Variants in AGPS observed in about 807,000 individuals in gnomAD.
The protein encoded by AGPS is alkyldihydroxyacetonephosphate synthase, peroxisomal.
In AGPS, 26 loss-of-function variants were observed where a neutral mutation model predicts 90.7. That is an observed-to-expected ratio of 0.29 (90% CI 0.21 to 0.40). AGPS has a LOEUF of 0.40. AGPS is among the 10% of genes least tolerant of loss of function. AGPS has a pLI of 1.00. For synonymous variants in AGPS, 294 were observed against 285.3 expected (o/e 1.03, Z -0.31); for missense variants, 540 against 816.1 (o/e 0.66, Z 4.12).
chr2:177,407,115 A>G lies in AGPS; in HGVS notation c.261-13154A>G, dbSNP rs944101552. Among the ~76,000 whole-genome samples the G allele has an allele frequency of 3.9e-5, 6 of 152,314 alleles. No individual in the cohort carries two copies. The South Asian group carries it at 1.2e-3, about 32-fold the overall frequency. On this transcript the variant is annotated intron_variant, in intron 1 of 19. Coordinates refer to ENST00000264167, the MANE Select transcript of AGPS (RefSeq NM_003659.4). ...CTGTTCCTGTGACTGGGGACAAGTT[A>G]CTGAATCTTTCTGGACCATTTTTTT...
intron 3 of AGPS, 53 bp downstream of exon 3, chr2:177,434,470 A>G: frequency 7.7e-7 from 1 of 1,303,032 alleles, no homozygotes; most frequent in Non-Finnish European, 1.1e-6. Context: ...TTAAAACCCA[A>G]ATTAATTTGA....
chr2:177,510,134 T>A (rs1688828884), intron 16 of AGPS, among the ~76,000 whole-genome samples: 1 of 152,216 alleles, frequency 6.6e-6, no homozygotes, highest in Non-Finnish European at 1.5e-5. Context: ...ACTGGGTAGC[T>A]TAAATGTTCT....
intron 19 of AGPS, among the ~76,000 whole-genome samples, chr2:177,531,833 A>G (rs2079140389): frequency 6.6e-6 from 1 of 152,096 alleles, no homozygotes; most frequent in African/African-American, 2.4e-5. Flanking sequence ...CCAGAAATAG[A>G]GCACACAAAT....
At chr2:177,420,135 A>G in intron 1 of AGPS, 134 bp from the exon 2 acceptor site, 1 of 611,386 alleles carries the variant, frequency 1.6e-6, no homozygotes, top group South Asian at 2.1e-5. Flanking sequence ...ATGTGTGCTA[A>G]TTTTATTTAA....
intron 19 of AGPS, among the ~76,000 whole-genome samples, chr2:177,532,499 G>C (rs924542483): frequency 2.0e-5 from 3 of 152,126 alleles, no homozygotes; most frequent in African/African-American, 7.2e-5. Flanking sequence ...TGAATCACTC[G>C]TACATTGCTT....
At chr2:177,507,161 G>A (rs1688741509) in intron 15 of AGPS, among the ~76,000 whole-genome samples, 1 of 152,018 alleles carries the variant, frequency 6.6e-6, no homozygotes. Flanking sequence ...CTTTAGATCA[G>A]ATCAGTAATT....
chr2:177,516,417 CTT>C (rs1435151249), intron 17 of AGPS, among the ~76,000 whole-genome samples: 3 of 152,070 alleles, frequency 2.0e-5, no homozygotes, highest in African/African-American at 7.2e-5. Flanking sequence ...AATGTAGTGA[CTT>C]TGACAACCAC....
At chr2:177,453,690 A>ATT (rs11401105) in intron 8 of AGPS, among the ~76,000 whole-genome samples, 3,218 of 90,392 alleles carry the variant, frequency 0.036, 83 homozygotes, top group African/African-American at 0.067. Flanking sequence ...ATCAGTAGTA[A>ATT]TTTTTTTTTT....
intron 6 of AGPS, 181 bp downstream of exon 6, chr2:177,441,217 G>A: frequency 1.7e-6 from 1 of 604,102 alleles, no homozygotes; most frequent in Non-Finnish European, 2.9e-6. Context: ...AACTGTTTGA[G>A]ACATGGTATA....
At chr2:177,492,116 G>A (rs1045621875) in intron 11 of AGPS, among the ~76,000 whole-genome samples, 11 of 152,190 alleles carry the variant, frequency 7.2e-5, no homozygotes, top group East Asian at 1.9e-4. Context: ...GTGTACTTAC[G>A]TGAATTGTTT....
chr2:177,494,463 A>G (rs764962433), intron 12 of AGPS, among the ~76,000 whole-genome samples: 3 of 152,226 alleles, frequency 2.0e-5, no homozygotes, highest in African/African-American at 4.8e-5. Context: ...CTAGGTCTTA[A>G]AGAGAGCCAT....
intron 19 of AGPS, among the ~76,000 whole-genome samples, chr2:177,535,076 C>G: frequency 6.6e-6 from 1 of 152,076 alleles, no homozygotes; most frequent in East Asian, 1.9e-4. Flanking sequence ...AGTGTTGACT[C>G]TCAGGCTAGA....
In AGPS at chr2:177,513,836, G is replaced by T; in HGVS notation, c.1625G>T (p.Arg542Ile). 6.2e-7 allele frequency: 1 copy of T among 1,612,300 alleles called. No homozygotes were observed. The highest frequency in any genetic ancestry group is 8.5e-7 in the Non-Finnish European group (1 of 1,178,804). Reference sequence around the variant, plus strand: ...TTTTTTAGGGTGGTAGATCTCTGTAGAAATGTAAAAGAAAGAATAACAAGG... The same window carrying T: ...TTTTTTAGGGTGGTAGATCTCTGTATAAATGTAAAAGAAAGAATAACAAGG... ...APWDRVVDLC[R>I]NVKERITREC... The change falls in exon 17 of 20, where the codon AGA becomes ATA. Residue 542 changes from arginine to isoleucine, a missense_variant. Physicochemically the swap from Arg to Ile is moderately conservative, Grantham distance 97. Coordinates refer to ENST00000264167, the MANE Select transcript of AGPS (RefSeq NM_003659.4).
chr2:177,404,467 GC>G (rs1417700890), intron 1 of AGPS, among the ~76,000 whole-genome samples: 1 of 151,538 alleles, frequency 6.6e-6, no homozygotes, highest in African/African-American at 2.4e-5. Context: ...ATTCCCTGCC[GC>G]CCCCCACCCC....
At chr2:177,496,881 A>G (rs1319487722) in intron 12 of AGPS, among the ~76,000 whole-genome samples, 1 of 152,118 alleles carries the variant, frequency 6.6e-6, no homozygotes, top group Non-Finnish European at 1.5e-5. Flanking sequence ...TTTTTAAAAA[A>G]GAAAACTTTT....
At chr2:177,431,092 C>T (rs1020250036) in intron 2 of AGPS, among the ~76,000 whole-genome samples, 1 of 152,136 alleles carries the variant, frequency 6.6e-6, no homozygotes, top group East Asian at 1.9e-4. Flanking sequence ...GTTCTATTTT[C>T]CCTAAGTGTC....
At chr2:177,418,283 A>G (rs1685846230) in intron 1 of AGPS, among the ~76,000 whole-genome samples, 1 of 152,120 alleles carries the variant, frequency 6.6e-6, no homozygotes, top group Admixed American at 6.5e-5. Flanking sequence ...ATAACAGCAG[A>G]TCTTTCCTGC....
chr2:177,409,476 G>A (rs1263607237), intron 1 of AGPS, among the ~76,000 whole-genome samples: 1 of 151,386 alleles, frequency 6.6e-6, no homozygotes, highest in Non-Finnish European at 1.5e-5. Context: ...TGTGAGCTGA[G>A]TTACAAGCCC....
At chr2:177,508,958 T>C (rs1688787206) in intron 16 of AGPS, among the ~76,000 whole-genome samples, 1 of 152,226 alleles carries the variant, frequency 6.6e-6, no homozygotes, top group Non-Finnish European at 1.5e-5. Flanking sequence ...TATATTTTTA[T>C]TTGTTTCTAG....
Sources: gnomAD v4.1 joint callset for allele counts (sites outside exome capture counted in the v4.1 genomes callset) on GRCh38, gnomAD v4.1.1 for gene constraint, MANE v1.5 for transcripts, NCBI Gene and HGNC (gene_info 2026-07-23, HGNC 2026-07-21) for gene names.